COBL: variants seen among roughly 807,000 people sequenced by gnomAD.
COBL encodes the protein cordon-bleu WH2 repeat protein, also known as protein cordon-bleu.
In COBL, 51 loss-of-function variants were observed where a neutral mutation model predicts 98.8. The ratio of observed to expected loss-of-function variants is 0.52; its 90% CI spans 0.41 to 0.65. The LOEUF is 0.65. Among genes scored for constraint, COBL ranks in the 30% least tolerant of loss-of-function variants. The probability of loss-of-function intolerance (pLI) is 0.00; values close to 1 mark genes in which losing one functional copy is unlikely to be tolerated. For synonymous variants in COBL, 634 were observed against 651.7 expected, an observed-to-expected ratio of 0.97 and a Z score of 0.41; for missense variants, 1,617 against 1,617.5, an observed-to-expected ratio of 1.00 and a Z score of 0.01.
chr7:51,259,449 G>C (rs749576512), intron 1 of COBL: 4 of 518,864 alleles, frequency 7.7e-6, no homozygotes, highest in African/African-American at 1.9e-5. Context: ...TGGTGGATGA[G>C]CTGATTGATG....
At chr7:51,277,560 C>A (rs987699830) in intron 1 of COBL, among the ~76,000 whole-genome samples, 1 of 152,170 alleles carries the variant, frequency 6.6e-6, no homozygotes, top group African/African-American at 2.4e-5. Context: ...TCGGTGCCCT[C>A]ATCCCGCCCA....
chr7:51,184,080 A>G lies in COBL; in HGVS notation c.783+22T>C, dbSNP rs745422321. 9 of 1,186,452 alleles carry G rather than the reference A, an allele frequency of 7.6e-6. No homozygotes were observed. In the South Asian group the frequency reaches 1.2e-4, roughly 15 times the overall value. 73.5% of individuals were successfully genotyped at this position (1,186,452 alleles called of 1,614,324 possible). On this transcript the variant is annotated intron_variant, in intron 5 of 12. Coordinates refer to ENST00000265136, the MANE Select transcript of COBL (RefSeq NM_015198.5). ...TATTTTTTTTACATGATACAAAATC[A>G]TATGTGTATTTAATCCATTACCTTA...
Position 51,160,665 on chromosome 7 carries a change from C to T in COBL, c.783+23437G>A, listed in dbSNP as rs186428492. Among the ~76,000 whole-genome samples the T allele has an allele frequency of 7.9e-5, 12 of 152,220 alleles. 1 individual carries two copies. In the East Asian group the frequency reaches 1.9e-3, roughly 25 times the overall value. ...ACGGTACACACGGGAAGACAAGGCTCTAAGAGGTCACAAACTGTATGTGAA... is the reference window on the plus strand; with the variant it reads ...ACGGTACACACGGGAAGACAAGGCTTTAAGAGGTCACAAACTGTATGTGAA... On this transcript the variant is annotated intron_variant, in intron 5 of 12. Coordinates refer to ENST00000265136, the MANE Select transcript of COBL (RefSeq NM_015198.5).
At chr7:51,104,521 A>T (rs1258373943) in intron 6 of COBL, among the ~76,000 whole-genome samples, 2 of 152,156 alleles carry the variant, frequency 1.3e-5, no homozygotes, top group Non-Finnish European at 2.9e-5. Context: ...CGTGGACAAA[A>T]ATACTACCTG....
intron 1 of COBL, among the ~76,000 whole-genome samples, chr7:51,270,191 G>T (rs1332583686): frequency 6.6e-6 from 1 of 152,138 alleles, no homozygotes; most frequent in Non-Finnish European, 1.5e-5. Flanking sequence ...GAAATAAAAT[G>T]CACCCTTTTA....
intron 1 of COBL, among the ~76,000 whole-genome samples, chr7:51,309,389 C>T (rs2129215413): frequency 6.6e-6 from 1 of 152,246 alleles, no homozygotes; most frequent in East Asian, 1.9e-4. Flanking sequence ...CCCAGGACTC[C>T]CGAGGTGGGC....
chr7:51,191,307 C>T (rs1016330378), intron 3 of COBL, among the ~76,000 whole-genome samples: 1 of 152,074 alleles, frequency 6.6e-6, no homozygotes, highest in African/African-American at 2.4e-5. Flanking sequence ...CTGCTAACAA[C>T]ACAGCGAAAT....
chr7:51,086,597 GGAGA>G (rs1480421424), intron 6 of COBL, among the ~76,000 whole-genome samples: 1 of 149,894 alleles, frequency 6.7e-6, no homozygotes, highest in East Asian at 2.0e-4. Flanking sequence ...CACGTATATG[GGAGA>G]GAGAAAGGGG....
At chr7:51,150,932 C>T (rs1373658896) in intron 5 of COBL, among the ~76,000 whole-genome samples, 1 of 152,166 alleles carries the variant, frequency 6.6e-6, no homozygotes, top group Non-Finnish European at 1.5e-5. Context: ...TCTTTCTAGT[C>T]GCAGAGAGCC....
intron 7 of COBL, among the ~76,000 whole-genome samples, chr7:51,081,092 C>G (rs1583714774): frequency 6.6e-6 from 1 of 151,936 alleles, no homozygotes; most frequent in Non-Finnish European, 1.5e-5. Flanking sequence ...GAGCGCGGGG[C>G]AGGAGCGGGG....
chr7:51,178,180 C>A (rs892220290), intron 5 of COBL, among the ~76,000 whole-genome samples: 12 of 148,734 alleles, frequency 8.1e-5, no homozygotes, highest in South Asian at 2.1e-4. Context: ...CTCTCTCTCT[C>A]TATATATATA....
intron 6 of COBL, among the ~76,000 whole-genome samples, chr7:51,126,051 G>A (rs1798172671): frequency 6.6e-6 from 1 of 152,172 alleles, no homozygotes. Flanking sequence ...TGTTCAGGCT[G>A]AGTGTGGTGG....
chr7:51,196,434 A>G (rs1350500301), intron 2 of COBL, among the ~76,000 whole-genome samples: 2 of 152,188 alleles, frequency 1.3e-5, no homozygotes, highest in Non-Finnish European at 2.9e-5. Context: ...GCTGATGTTC[A>G]TCAAGGATAG....
At chr7:51,296,923 C>T (rs189119183) in intron 1 of COBL, among the ~76,000 whole-genome samples, 3 of 152,282 alleles carry the variant, frequency 2.0e-5, no homozygotes, top group African/African-American at 2.4e-5. Flanking sequence ...GCTGGAACAA[C>T]ATCTCAACTA....
intron 1 of COBL, among the ~76,000 whole-genome samples, chr7:51,256,219 G>A (rs939941842): frequency 1.3e-5 from 2 of 152,032 alleles, no homozygotes; most frequent in Non-Finnish European, 2.9e-5. Context: ...ATTGCCCTGG[G>A]TACTTTAGCT....
intron 4 of COBL, 75 bp from the exon 5 acceptor site, chr7:51,184,274 A>C (rs1177875250): frequency 3.9e-5 from 31 of 803,160 alleles, no homozygotes; most frequent in Non-Finnish European, 5.6e-5. Flanking sequence ...AAAAATCTTA[A>C]TAAATGAATC....
chr7:51,125,093 G>A (rs1418397366), intron 6 of COBL, among the ~76,000 whole-genome samples: 7 of 152,142 alleles, frequency 4.6e-5, no homozygotes, highest in East Asian at 1.9e-4. Flanking sequence ...GATTACAGGC[G>A]TGAGCCACGG....
chr7:51,165,082 G>A (rs1424685195), intron 5 of COBL, among the ~76,000 whole-genome samples: 1 of 151,382 alleles, frequency 6.6e-6, no homozygotes, highest in African/African-American at 2.4e-5. Context: ...GAGGGAGAGA[G>A]GACCAGAAAA....
intron 1 of COBL, among the ~76,000 whole-genome samples, chr7:51,226,989 A>G (rs891772336): frequency 6.6e-6 from 1 of 152,146 alleles, no homozygotes; most frequent in African/African-American, 2.4e-5. Flanking sequence ...TTCTGAGCCT[A>G]GGACACCACC....
Sources: gnomAD v4.1 joint callset for allele counts (sites outside exome capture counted in the v4.1 genomes callset) on GRCh38, gnomAD v4.1.1 for gene constraint, MANE v1.5 for transcripts, NCBI Gene and HGNC (gene_info 2026-07-23, HGNC 2026-07-21) for gene names.